Variants in NXPH1 observed in about 807,000 individuals in gnomAD.
The protein encoded by NXPH1 is neurexophilin 1, also known as neurexophilin-1.
In NXPH1, 5 loss-of-function variants were observed where a neutral mutation model predicts 23.7. The ratio of observed to expected loss-of-function variants is 0.21; its 90% CI spans 0.11 to 0.44. The LOEUF (loss-of-function observed/expected upper bound fraction) is 0.44, where lower values mean the gene tolerates loss of function less well. Ranked by LOEUF, NXPH1 falls within the 20% of genes least tolerant of loss-of-function variation. The pLI, the probability that NXPH1 is intolerant of heterozygous loss-of-function variation, is 0.99. For synonymous variants in NXPH1, 144 were observed against 122.2 expected (o/e 1.18, Z -1.18); for missense variants, 324 against 321.6 (o/e 1.01, Z -0.06).
chr7:8,521,072 A>G (rs1465407359), intron 2 of NXPH1, among the ~76,000 whole-genome samples: 2 of 152,152 alleles, frequency 1.3e-5, no homozygotes, highest in African/African-American at 4.8e-5. Context: ...CAGTTTTCAG[A>G]TTAAATCCAT....
At chr7:8,548,594 C>T (rs1356650213) in intron 2 of NXPH1, among the ~76,000 whole-genome samples, 1 of 151,472 alleles carries the variant, frequency 6.6e-6, no homozygotes, top group Non-Finnish European at 1.5e-5. Context: ...CTGACGCTGT[C>T]TCTGACATGA....
At chr7:8,742,034 A>T (rs1159498904) in intron 2 of NXPH1, among the ~76,000 whole-genome samples, 1 of 152,176 alleles carries the variant, frequency 6.6e-6, no homozygotes, top group East Asian at 1.9e-4. Context: ...TAAACTAGTT[A>T]AGAAAGGGTC....
At chr7:8,476,452 G>A (rs117734621) in intron 2 of NXPH1, among the ~76,000 whole-genome samples, 4,181 of 151,146 alleles carry the variant, frequency 0.028, 90 homozygotes, top group Middle Eastern at 0.048. Flanking sequence ...GAGTTTAGAC[G>A]CAATTCATTT....
At chr7:8,575,789 C>G (rs188394436) in intron 2 of NXPH1, among the ~76,000 whole-genome samples, 87 of 151,378 alleles carry the variant, frequency 5.7e-4, no homozygotes, top group Middle Eastern at 6.9e-3. Context: ...CTTACTTGGT[C>G]AAAGTTAGCT....
chr7:8,742,065 C>T (rs888567789), intron 2 of NXPH1, among the ~76,000 whole-genome samples: 23 of 152,084 alleles, frequency 1.5e-4, no homozygotes, highest in African/African-American at 5.1e-4. Flanking sequence ...ATGGGCACCA[C>T]GTAATCTACC....
intron 2 of NXPH1, among the ~76,000 whole-genome samples, chr7:8,483,493 GA>G (rs1817108164): frequency 6.6e-6 from 1 of 151,990 alleles, no homozygotes; most frequent in Admixed American, 6.6e-5. Context: ...ATTTTCTGTA[GA>G]GACTGGGTTT....
intron 2 of NXPH1, among the ~76,000 whole-genome samples, chr7:8,727,945 T>G (rs1258269796): frequency 6.6e-6 from 1 of 151,490 alleles, no homozygotes. Context: ...GCCATTTTCA[T>G]GATATTGATT....
Position 8,752,866 on chromosome 7 carries a change from A to G in NXPH1, c.*1097A>G, listed in dbSNP as rs1780589146. The stretch of plus-strand genomic sequence containing the variant: ...CAGATCAAGTATTGTTGAAAGCTAT[A>G]CATATACAACATTACAGTCTGTCTG... On this transcript the variant is annotated 3_prime_UTR_variant, in exon 3 of 3. Coordinates refer to ENST00000405863, the MANE Select transcript of NXPH1 (RefSeq NM_152745.3). The G allele has an allele frequency of 6.6e-6, 1 of 152,588 alleles. No homozygotes were observed. The highest frequency in any genetic ancestry group is 1.5e-5 in the Non-Finnish European group (1 of 68,018). 9.5% of individuals were successfully genotyped at this position (152,588 alleles called of 1,614,324 possible).
At chr7:8,441,222 C>T (rs949448196) in intron 2 of NXPH1, among the ~76,000 whole-genome samples, 1 of 152,080 alleles carries the variant, frequency 6.6e-6, no homozygotes, top group Non-Finnish European at 1.5e-5. Context: ...CATGGTGCAG[C>T]CGAGTCTCAA....
At chr7:8,461,117 G>A (rs1816686832) in intron 2 of NXPH1, among the ~76,000 whole-genome samples, 1 of 152,192 alleles carries the variant, frequency 6.6e-6, no homozygotes, top group African/African-American at 2.4e-5. Flanking sequence ...AGAATTGCTT[G>A]GAGAAGATCT....
intron 2 of NXPH1, among the ~76,000 whole-genome samples, chr7:8,661,491 A>G (rs758554091): frequency 6.6e-6 from 1 of 152,086 alleles, no homozygotes; most frequent in Non-Finnish European, 1.5e-5. Context: ...AGCAGCCTGA[A>G]GTCATGTTTT....
chr7:8,726,123 T>C lies in NXPH1; in HGVS notation c.55-24885T>C, dbSNP rs572571431. 1.5e-4 allele frequency among the ~76,000 whole-genome samples: 23 copies of C among 152,346 alleles called. 1 individual carries two copies. The highest frequency in any genetic ancestry group is 4.8e-4 in the African/African-American group (20 of 41,574). ...ACTTCTATTGGATAAGCTGTGTTAT[T>C]ATTGCTACAAAGTGTGTTTTTATAT... On this transcript the variant is annotated intron_variant, in intron 2 of 2. Transcript: ENST00000405863.
intron 2 of NXPH1, among the ~76,000 whole-genome samples, chr7:8,505,736 G>A (rs1817511324): frequency 6.6e-6 from 1 of 152,022 alleles, no homozygotes. Flanking sequence ...ATAAAAGTTA[G>A]TTAAATAACT....
chr7:8,628,395 A>G (rs1268579443), intron 2 of NXPH1, among the ~76,000 whole-genome samples: 1 of 147,340 alleles, frequency 6.8e-6, no homozygotes, highest in East Asian at 2.2e-4. Context: ...TAGATAATGT[A>G]TGGTTAGAAG....
intron 2 of NXPH1, among the ~76,000 whole-genome samples, chr7:8,480,410 CTT>C (rs1369356226): frequency 6.6e-6 from 1 of 152,180 alleles, no homozygotes; most frequent in Non-Finnish European, 1.5e-5. Flanking sequence ...GCAAATCTAT[CTT>C]TACCTGGGTA....
At chr7:8,658,789 A>G (rs1436602915) in intron 2 of NXPH1, among the ~76,000 whole-genome samples, 3 of 152,194 alleles carry the variant, frequency 2.0e-5, no homozygotes, top group African/African-American at 7.2e-5. Flanking sequence ...GGTTACCTAT[A>G]AGAAAATAAA....
In NXPH1 at chr7:8,577,426, T is replaced by A. The variant is rs548101968; in HGVS notation, c.54+141659T>A. 2.6e-5 allele frequency among the ~76,000 whole-genome samples: 4 copies of A among 152,324 alleles called. No homozygotes were observed. In the South Asian group the frequency reaches 6.2e-4, roughly 24 times the overall value. On this transcript the variant is annotated intron_variant, in intron 2 of 2. Coordinates refer to ENST00000405863, the MANE Select transcript of NXPH1 (RefSeq NM_152745.3). Reference sequence around the variant, plus strand: ...TCTTTGCTGTGGTGATTGGGGAATATGTATGTGTAGTTTCATTACTTGCTT... The same window carrying A: ...TCTTTGCTGTGGTGATTGGGGAATAAGTATGTGTAGTTTCATTACTTGCTT...
rs1816693163 is a variant in NXPH1, at chr7:8,461,488, A to G, written c.54+25721A>G. Among the ~76,000 whole-genome samples the G allele has an allele frequency of 4.6e-5, 7 of 152,318 alleles. No homozygotes were observed. The South Asian group carries it at 1.2e-3, about 27-fold the overall frequency. On this transcript the variant is annotated intron_variant, in intron 2 of 2. Coordinates refer to ENST00000405863, the MANE Select transcript of NXPH1 (RefSeq NM_152745.3). Reference sequence around the variant, plus strand: ...TGAAGTAGATAGCGTTATCTAGGTCACTGTATTTTCCTCAAATCCAAATAG... The same window carrying G: ...TGAAGTAGATAGCGTTATCTAGGTCGCTGTATTTTCCTCAAATCCAAATAG...
chr7:8,589,056 A>G (rs1819037349), intron 2 of NXPH1, among the ~76,000 whole-genome samples: 2 of 152,148 alleles, frequency 1.3e-5, no homozygotes, highest in South Asian at 4.1e-4. Context: ...AAAGGATTCA[A>G]AACAGCTTTC....
Sources: allele counts gnomAD v4.1 joint callset (sites outside exome capture counted in the v4.1 genomes callset), GRCh38; gene constraint gnomAD v4.1.1; transcripts MANE v1.5; gene names NCBI Gene and HGNC (gene_info 2026-07-23, HGNC 2026-07-21).